Variants in CROCC observed in about 807,000 individuals in gnomAD.
CROCC encodes rootletin.
CROCC carries 180 observed loss-of-function variants against 245.2 expected under a neutral mutation model. The observed-to-expected ratio is 0.73, with a 90% CI of 0.65 to 0.83. CROCC has a LOEUF of 0.83. Among genes scored for constraint, CROCC ranks in the 40% least tolerant of loss-of-function variants. The pLI, the probability that CROCC is intolerant of heterozygous loss-of-function variation, is 0.00. For synonymous variants in CROCC, 1,205 were observed against 1,241.6 expected (o/e 0.97, Z 0.62); for missense variants, 2,688 against 2,779.4 (o/e 0.97, Z 0.74).
chr1:16,940,326 C>T (rs2075901439), intron 13 of CROCC, among the ~76,000 whole-genome samples: 1 of 152,200 alleles, frequency 6.6e-6, no homozygotes, highest in South Asian at 2.1e-4. Flanking sequence ...TGGGTTCACG[C>T]CATTCTCCTG....
intron 13 of CROCC, among the ~76,000 whole-genome samples, chr1:16,943,819 C>G (rs1343026433): frequency 6.6e-6 from 1 of 152,266 alleles, no homozygotes; most frequent in Non-Finnish European, 1.5e-5. Context: ...GTCCCAGGAG[C>G]CTAGCTCGGC....
intron 27 of CROCC, among the ~76,000 whole-genome samples, chr1:16,964,742 G>A (rs920949908): frequency 1.3e-5 from 2 of 152,086 alleles, no homozygotes; most frequent in Admixed American, 6.6e-5. Context: ...GGAGTGCAGC[G>A]GTTCGATTAG....
rs2273113 is a variant in CROCC at position 16,960,919 on chromosome 1, T to G, written c.4194T>G (p.Ala1398=). The G allele has an allele frequency of 2.0e-6, 3 of 1,493,976 alleles. No individual in the cohort carries two copies. The highest frequency in any genetic ancestry group is 2.7e-6 in the Non-Finnish European group (3 of 1,129,308). The allele number at this position is 1,493,976 out of a possible 1,614,324, so 92.5% of individuals were successfully genotyped here. Residue 1398 remains alanine, a synonymous_variant, in exon 27 of 37, where the codon GCT becomes GCG. Transcript: ENST00000375541. Reference sequence around the variant, plus strand: ...AGCTGGAGGCGGCGCGGGCCGAGGCTGCAGAGCTGGGCCTGCGGCTGAGCG... The same window carrying G: ...AGCTGGAGGCGGCGCGGGCCGAGGCGGCAGAGCTGGGCCTGCGGCTGAGCG... ...ELKLEAARAE[A]AELGLRLSAA...
chr1:16,919,555 C>T (rs1294665337), upstream of CROCC, among the ~76,000 whole-genome samples: 4 of 152,280 alleles, frequency 2.6e-5, no homozygotes, highest in South Asian at 2.1e-4. Context: ...GAACTTTATT[C>T]GGCTGGGAAC....
At chr1:16,922,878 A>G (rs1462363564) in intron 2 of CROCC, 80 bp downstream of exon 2, 1 of 1,536,770 alleles carries the variant, frequency 6.5e-7, no homozygotes, top group Non-Finnish European at 8.8e-7. Context: ...AGCAGTCACC[A>G]TGATGATCAT....
chr1:16,933,569 T>C (rs2075725967), intron 8 of CROCC, among the ~76,000 whole-genome samples: 1 of 152,270 alleles, frequency 6.6e-6, no homozygotes, highest in African/African-American at 2.4e-5. Flanking sequence ...GCTTTGTCTT[T>C]TTTTTCTTTT....
chr1:16,948,442 A>G lies in CROCC; in HGVS notation c.2626A>G (p.Lys876Glu). 1 of 1,566,462 alleles carries G rather than the reference A, an allele frequency of 6.4e-7. No individual in the cohort carries two copies. ...RAAREKEALAKEHAGLAVQLV... is the reference protein window; with the variant it reads ...RAAREKEALAEEHAGLAVQLV... Reference sequence around the variant, plus strand: ...GGCCCGTGAGAAGGAGGCGCTAGCCAAGGAGCACGCTGGCCTGGCTGTGCA... The same window carrying G: ...GGCCCGTGAGAAGGAGGCGCTAGCCGAGGAGCACGCTGGCCTGGCTGTGCA... Residue 876 changes from lysine to glutamate, a missense_variant, in exon 18 of 37, where the codon AAG becomes GAG. Coordinates refer to ENST00000375541, the MANE Select transcript of CROCC (RefSeq NM_014675.5).
intron 1 of CROCC, 86 bp downstream of exon 1, chr1:16,922,164 G>T (rs1270013276): frequency 7.6e-7 from 1 of 1,324,254 alleles, no homozygotes; most frequent in Non-Finnish European, 1.0e-6. Flanking sequence ...GCGTCTTGGG[G>T]ATCAAGGGGT....
In CROCC at chr1:16,969,275, C is replaced by T. The variant is rs146895821; in HGVS notation, c.5236C>T (p.Arg1746Trp). ...AQSSASLNSTRDKNLHLQKAL... is the reference protein window; with the variant it reads ...AQSSASLNSTWDKNLHLQKAL... Reference sequence around the variant, plus strand: ...GAGCAGTGCCAGCCTCAACAGCACCCGGGACAAGAACCTGCATCTGCAGAA... The same window carrying T: ...GAGCAGTGCCAGCCTCAACAGCACCTGGGACAAGAACCTGCATCTGCAGAA... The change falls in exon 32 of 37, where the codon CGG (arginine) becomes TGG (tryptophan). Residue 1746 changes from arginine to tryptophan, a missense_variant. Physicochemically the swap from Arg to Trp is moderately radical, Grantham distance 101. This residue lies in a region of CROCC where 1,218 missense variants were observed against 1,286.3 expected (regional missense o/e 0.95). Transcript: ENST00000375541. 90 of 1,613,110 alleles carry T rather than the reference C, an allele frequency of 5.6e-5. No individual in the cohort carries two copies. In the African/African-American group the frequency reaches 8.0e-4, roughly 14 times the overall value.
intron 27 of CROCC, among the ~76,000 whole-genome samples, chr1:16,962,548 A>C (rs1364333078): frequency 7.0e-6 from 1 of 143,000 alleles, no homozygotes; most frequent in East Asian, 2.1e-4. Flanking sequence ...AAAAAAAAAA[A>C]AAAAAAAAAA....
At position 16,955,461 on chromosome 1, in the gene CROCC, G is replaced by A. The variant is rs146122873; in HGVS notation, c.3615G>A (p.Leu1205=). 11 of 1,591,154 alleles carry A rather than the reference G, an allele frequency of 6.9e-6. No individual in the cohort carries two copies. The African/African-American group carries it at 1.5e-4, about 21-fold the overall frequency. ...RQEAGELRRS[L]GEGAKEREAL... Reference sequence around the variant, plus strand: ...AGGCAGGCGAGCTGCGACGCAGCCTGGGCGAGGGTGCCAAGGAGCGCGAGG... The same window carrying A: ...AGGCAGGCGAGCTGCGACGCAGCCTAGGCGAGGGTGCCAAGGAGCGCGAGG... Residue 1205 remains leucine (L), a synonymous_variant, in exon 24 of 37, where the codon CTG becomes CTA. Coordinates refer to ENST00000375541, the MANE Select transcript of CROCC (RefSeq NM_014675.5).
At chr1:16,931,142 C>T (rs376715630) in intron 7 of CROCC, 149 bp from the exon 8 acceptor site, 81 of 649,418 alleles carry the variant, frequency 1.2e-4, no homozygotes, top group Middle Eastern at 4.5e-4. Context: ...TGAGCATGGC[C>T]GCTGCAACAC....
rs748300745 is a variant in CROCC, at chr1:16,924,405, G to C, written c.277G>C (p.Val93Leu). The C allele has an allele frequency of 7.2e-5, 116 of 1,613,290 alleles. No individual in the cohort carries two copies. The highest frequency in any genetic ancestry group is 5.0e-4 in the Middle Eastern group (3 of 6,046). The part of the protein sequence containing the change: ...NQLLQQELSR[V>L]EDLLAQSRAE... ...GCTGCTGCAGCAGGAGCTGTCCCGCGTGGAGGACCTGCTGGCCCAGAGCCG... is the reference window on the plus strand; with the variant it reads ...GCTGCTGCAGCAGGAGCTGTCCCGCCTGGAGGACCTGCTGGCCCAGAGCCG... Residue 93 changes from valine to leucine, a missense_variant, in exon 3 of 37, where the codon GTG (valine) becomes CTG (leucine). This residue lies in a region of CROCC where 972 missense variants were observed against 895.3 expected (regional missense o/e 1.09). Transcript: ENST00000375541.
chr1:16,970,411 G>T lies in CROCC; in HGVS notation c.5610G>T (p.Arg1870=). 6.2e-7 allele frequency: 1 copy of T among 1,604,612 alleles called. No homozygotes were observed. Among genetic ancestry groups the T allele is most frequent in the East Asian group, 2.2e-5 (1 of 44,586 alleles). The change falls in exon 34 of 37, where the codon CGG becomes CGT. Residue 1870 remains arginine (R), a synonymous_variant. Coordinates refer to ENST00000375541, the MANE Select transcript of CROCC (RefSeq NM_014675.5). ...GGGAGGTGGAGCGCTCAGCCCTGCG[G>T]CTGGAGAAGGACCGTGTAGCCCTCA... The part of the protein sequence containing the change: ...EKREVERSAL[R]LEKDRVALRR...
At position 16,948,539 on chromosome 1, in the gene CROCC, T is replaced by C; in HGVS notation, c.2708+15T>C. ...ACACGCCTGCGGTAAGGCCTTGGGC[T>C]CTGCCCAACCCGCCCTGGGGGGTCC... On this transcript the variant is annotated intron_variant, in intron 18 of 36. Coordinates refer to ENST00000375541, the MANE Select transcript of CROCC (RefSeq NM_014675.5). 1 of 1,519,398 alleles carries C rather than the reference T, an allele frequency of 6.6e-7. No homozygotes were observed. The highest frequency in any genetic ancestry group is 8.8e-7 in the Non-Finnish European group (1 of 1,133,448). The allele number at this position is 1,519,398 out of a possible 1,614,324, so 94.1% of individuals were successfully genotyped here. A position where few individuals can be genotyped will look rare whatever the true frequency, so the allele number is the denominator to read the frequency against.
Position 16,938,385 on chromosome 1 carries a change from C to T in CROCC, c.1291-15C>T, listed in dbSNP as rs754444565. On this transcript the variant is annotated splice_polypyrimidine_tract_variant and intron_variant, in intron 10 of 36. Coordinates refer to ENST00000375541, the MANE Select transcript of CROCC (RefSeq NM_014675.5). ...AGAACCCCAACCACCCTTTGTCTCCCTAACCGCACTCCAGGAATCCCTGCG... is the reference window on the plus strand; with the variant it reads ...AGAACCCCAACCACCCTTTGTCTCCTTAACCGCACTCCAGGAATCCCTGCG... 2.3e-4 allele frequency: 353 copies of T among 1,553,082 alleles called. No homozygotes were observed. The highest frequency in any genetic ancestry group is 3.0e-4 in the Non-Finnish European group (340 of 1,148,594).
At chr1:16,970,156 G>A (rs769577231) in intron 33 of CROCC, 97 bp from the exon 34 acceptor site, 114 of 1,308,982 alleles carry the variant, frequency 8.7e-5, no homozygotes, top group South Asian at 1.7e-4. Context: ...CCTCACCGTC[G>A]CCTGCTCTGT....
At position 16,938,903 on chromosome 1, in the gene CROCC, C is replaced by T; in HGVS notation, c.1375-6C>T. On this transcript the variant is annotated splice_region_variant and splice_polypyrimidine_tract_variant and intron_variant, in intron 11 of 36. Coordinates refer to ENST00000375541, the MANE Select transcript of CROCC (RefSeq NM_014675.5). ...GCCTCCTTCTGCCTCCCTCCCCCACCCTCAGGCCGTCTTGTCAGACTCTGA... is the reference window on the plus strand; with the variant it reads ...GCCTCCTTCTGCCTCCCTCCCCCACTCTCAGGCCGTCTTGTCAGACTCTGA... 6.2e-7 allele frequency: 1 copy of T among 1,604,642 alleles called. No individual in the cohort carries two copies. The highest frequency in any genetic ancestry group is 8.5e-7 in the Non-Finnish European group (1 of 1,177,252).
At position 16,930,327 on chromosome 1, in the gene CROCC, G is replaced by C; in HGVS notation, c.663G>C (p.Arg221=). The part of the protein sequence containing the change: ...HSQDLESALI[R]LEEEQQRSAS... ...AAGACCTGGAAAGCGCCCTCATCCG[G>C]CTGGAGGAGGAGCAGCAGAGGTGAG... The change falls in exon 6 of 37, where the codon CGG becomes CGC. Residue 221 remains arginine (R), a synonymous_variant. Transcript: ENST00000375541. 1 of 1,609,846 alleles carries C rather than the reference G, an allele frequency of 6.2e-7. No homozygotes were observed.
Sources: allele counts gnomAD v4.1 joint callset (sites outside exome capture counted in the v4.1 genomes callset), GRCh38; gene constraint gnomAD v4.1.1; regional missense constraint gnomAD v4.1.1; transcripts MANE v1.5; gene names NCBI Gene and HGNC (gene_info 2026-07-23, HGNC 2026-07-21).